GUCY1A2: variants seen among roughly 807,000 people sequenced by gnomAD.
The protein encoded by GUCY1A2 is guanylate cyclase 1 soluble subunit alpha 2, also known as guanylate cyclase soluble subunit alpha-2.
GUCY1A2 carries 27 observed loss-of-function variants against 63.5 expected under a neutral mutation model. The ratio of observed to expected loss-of-function variants is 0.43; its 90% CI spans 0.31 to 0.59. GUCY1A2 has a LOEUF of 0.59. Among genes scored for constraint, GUCY1A2 ranks in the 20% least tolerant of loss-of-function variants. The pLI is 0.11. For missense variants in GUCY1A2, 768 were observed against 913.3 expected (o/e 0.84, Z 2.05); for synonymous variants, 364 against 343.5 (o/e 1.06, Z -0.66).
chr11:106,763,287 G>C (rs557004676), intron 6 of GUCY1A2, among the ~76,000 whole-genome samples: 1 of 152,050 alleles, frequency 6.6e-6, no homozygotes, highest in Admixed American at 6.6e-5. Flanking sequence ...GAAAATTGAT[G>C]TCACTTTTAG....
chr11:106,874,547 G>C (rs1369999088), intron 4 of GUCY1A2, among the ~76,000 whole-genome samples: 1 of 151,998 alleles, frequency 6.6e-6, no homozygotes, highest in Non-Finnish European at 1.5e-5. Context: ...AGTAATTTTA[G>C]TATGCCATTG....
intron 6 of GUCY1A2, among the ~76,000 whole-genome samples, chr11:106,735,982 GT>G (rs71470831): frequency 0.034 from 5,131 of 151,740 alleles, 99 homozygotes; most frequent in African/African-American, 0.046. Flanking sequence ...CAAATTATTA[GT>G]TTTTTTTCCT....
intron 4 of GUCY1A2, among the ~76,000 whole-genome samples, chr11:106,815,791 C>T (rs151023630): frequency 4.6e-5 from 7 of 151,986 alleles, no homozygotes; most frequent in East Asian, 1.9e-4. Flanking sequence ...CACAAACACA[C>T]GCACACACAC....
chr11:106,786,241 A>G (rs1591276403), intron 5 of GUCY1A2, among the ~76,000 whole-genome samples: 1 of 152,188 alleles, frequency 6.6e-6, no homozygotes, highest in African/African-American at 2.4e-5. Flanking sequence ...AAACAAAACA[A>G]AAACAAAACA....
At chr11:106,850,815 A>T (rs1184772716) in intron 4 of GUCY1A2, among the ~76,000 whole-genome samples, 1 of 151,884 alleles carries the variant, frequency 6.6e-6, no homozygotes, top group East Asian at 1.9e-4. Flanking sequence ...GAGTGTCAGC[A>T]ACTTTTTAAT....
Position 106,964,004 on chromosome 11 carries a change from T to G in GUCY1A2, c.487+14615A>C, listed in dbSNP as rs576440953. ...GAACAATTTGTGCCATTTGCTTTCTTATTCTCTCTCATTCCCCCTTCTCTT... is the reference window on the plus strand; with the variant it reads ...GAACAATTTGTGCCATTTGCTTTCTGATTCTCTCTCATTCCCCCTTCTCTT... On this transcript the variant is annotated intron_variant, in intron 3 of 7. Coordinates refer to ENST00000526355, the MANE Select transcript of GUCY1A2 (RefSeq NM_000855.3). 4.5e-4 allele frequency among the ~76,000 whole-genome samples: 68 copies of G among 152,146 alleles called. 1 individual carries two copies. In the South Asian group the frequency reaches 0.01, roughly 23 times the overall value.
intron 5 of GUCY1A2, among the ~76,000 whole-genome samples, chr11:106,790,761 G>A (rs764956701): frequency 2.0e-5 from 3 of 152,076 alleles, no homozygotes; most frequent in African/African-American, 7.2e-5. Context: ...GTGGCCCATG[G>A]TGTGTCTAGA....
intron 4 of GUCY1A2, among the ~76,000 whole-genome samples, chr11:106,831,129 C>T (rs1859044530): frequency 6.6e-6 from 1 of 152,096 alleles, no homozygotes; most frequent in Admixed American, 6.5e-5. Flanking sequence ...ACTCTGGAAA[C>T]AACTGTCTAT....
chr11:106,962,479 C>T (rs1236886641), intron 3 of GUCY1A2, among the ~76,000 whole-genome samples: 7 of 150,102 alleles, frequency 4.7e-5, no homozygotes, highest in Non-Finnish European at 1.0e-4. Context: ...CGCTTAAACC[C>T]GGGAGGCAGA....
In GUCY1A2 at chr11:106,708,572, G is replaced by A; in HGVS notation, c.1931C>T (p.Ala644Val). ...YCLFGNNVTL[A>V]SKFESGSHPR... ...GTGACTTCCCGACTCGAATTTGCTT[G>A]CCAGTGTGACATTATTTCCAAACAG... Residue 644 changes from alanine (A) to valine (V), a missense_variant, in exon 7 of 8, where the codon GCA becomes GTA. Ala to Val is a moderately conservative substitution (Grantham distance 64). Around this residue, in one of 3 missense-constraint regions of GUCY1A2, gnomAD observed 150 missense variants for 188.3 expected, o/e 0.80. Transcript: ENST00000526355. The A allele has an allele frequency of 1.9e-6, 3 of 1,613,038 alleles. No individual in the cohort carries two copies. The highest frequency in any genetic ancestry group is 2.5e-6 in the Non-Finnish European group (3 of 1,179,416).
intron 6 of GUCY1A2, among the ~76,000 whole-genome samples, chr11:106,710,497 A>G (rs1318782169): frequency 1.3e-5 from 2 of 149,180 alleles, no homozygotes; most frequent in African/African-American, 4.9e-5. Flanking sequence ...CATTAGTGAT[A>G]AATGTTGAAT....
rs143909145 is a variant in GUCY1A2, at chr11:106,713,496, CTTTTTTTTTTTTTTTTT to C, written c.1837-4847_1837-4831del. Among the ~76,000 whole-genome samples the C allele has an allele frequency of 2.6e-5, 2 of 78,394 alleles. 1 individual carries two copies. The highest frequency in any genetic ancestry group is 3.4e-4 in the Admixed American group (2 of 5,878). The allele number at this position is 78,394 out of a possible 152,430, so 51.4% of individuals were successfully genotyped here. On this transcript the variant is annotated intron_variant, in intron 6 of 7. Transcript: ENST00000526355. ...AGCACACTGCAATATTAGTATGTTTCTTTTTTTTTTTTTTTTTTTTTTTTTTTTGAGACGGAGTCTCG... is the reference window on the plus strand; with the variant it reads ...AGCACACTGCAATATTAGTATGTTTCTTTTTTTTTTTGAGACGGAGTCTCG...
intron 4 of GUCY1A2, among the ~76,000 whole-genome samples, chr11:106,923,242 A>G: frequency 6.6e-6 from 1 of 152,230 alleles, no homozygotes. Flanking sequence ...ACCTTACATA[A>G]GCAGTGCCCT....
intron 6 of GUCY1A2, among the ~76,000 whole-genome samples, chr11:106,709,360 TAATATATATAAA>T: frequency 9.9e-6 from 1 of 100,836 alleles, no homozygotes; most frequent in African/African-American, 4.1e-5. Flanking sequence ...ATATTTTATA[TAATATATATAAA>T]TTATATATAT....
At chr11:106,813,463 T>G (rs924492241) in intron 4 of GUCY1A2, among the ~76,000 whole-genome samples, 5 of 152,028 alleles carry the variant, frequency 3.3e-5, no homozygotes, top group African/African-American at 1.2e-4. Context: ...CTCAGATAGT[T>G]CTATGAAAAT....
rs1407093543 is a variant in GUCY1A2, at chr11:106,686,905, CTA to C, written c.*642_*643del. On this transcript the variant is annotated 3_prime_UTR_variant, in exon 8 of 8. Transcript: ENST00000526355. Reference sequence around the variant, plus strand: ...CACTGATCTCTCTAAATAAGGGAAACTATATTAGATTAATAGGTTAGCATTAT... The same window carrying C: ...CACTGATCTCTCTAAATAAGGGAAACTATTAGATTAATAGGTTAGCATTAT... 3 of 197,196 alleles carry C rather than the reference CTA, an allele frequency of 1.5e-5. No homozygotes were observed. In the East Asian group the frequency reaches 2.4e-4, roughly 16 times the overall value. 12.2% of individuals were successfully genotyped at this position (197,196 alleles called of 1,614,324 possible).
intron 7 of GUCY1A2, among the ~76,000 whole-genome samples, chr11:106,696,589 A>G (rs1862723695): frequency 6.6e-6 from 1 of 152,170 alleles, no homozygotes; most frequent in African/African-American, 2.4e-5. Flanking sequence ...TTTCTATATT[A>G]TTCAACCAAT....
intron 5 of GUCY1A2, among the ~76,000 whole-genome samples, chr11:106,805,095 T>C (rs975062593): frequency 6.6e-6 from 1 of 152,230 alleles, no homozygotes; most frequent in Non-Finnish European, 1.5e-5. Flanking sequence ...TGGTATTACC[T>C]GGTTGCCCTA....
intron 7 of GUCY1A2, among the ~76,000 whole-genome samples, chr11:106,689,119 T>A (rs1229397125): frequency 6.6e-6 from 1 of 152,152 alleles, no homozygotes; most frequent in Non-Finnish European, 1.5e-5. Flanking sequence ...ATAAAGGATG[T>A]GTGAACAGAT....
Sources: allele counts gnomAD v4.1 joint callset (sites outside exome capture counted in the v4.1 genomes callset), GRCh38; gene constraint gnomAD v4.1.1; regional missense constraint gnomAD v4.1.1; transcripts MANE v1.5; gene names NCBI Gene and HGNC (gene_info 2026-07-23, HGNC 2026-07-21).